Variants in FMN1 observed in about 807,000 individuals in gnomAD.
FMN1 encodes the protein formin-1.
FMN1 carries 110 observed loss-of-function variants against 132.4 expected under a neutral mutation model. The observed-to-expected ratio is 0.83, with a 90% CI of 0.71 to 0.97. The LOEUF is 0.97. Ranked by LOEUF, FMN1 falls within the 50% of genes least tolerant of loss-of-function variation. FMN1 has a pLI of 0.00. For missense variants in FMN1, 1,792 were observed against 1,705.3 expected (o/e 1.05, Z -0.90); for synonymous variants, 722 against 651.7 (o/e 1.11, Z -1.64).
chr15:32,884,046 G>A (rs1311469109), intron 16 of FMN1, among the ~76,000 whole-genome samples: 1 of 151,958 alleles, frequency 6.6e-6, no homozygotes, highest in Admixed American at 6.6e-5. Flanking sequence ...GCATGTGTGT[G>A]TTTGTGTATG....
chr15:33,050,237 G>A (rs2036906460), intron 6 of FMN1, among the ~76,000 whole-genome samples: 1 of 152,140 alleles, frequency 6.6e-6, no homozygotes, highest in Non-Finnish European at 1.5e-5. Flanking sequence ...TGTAAGTCAA[G>A]AAGCATCTGT....
intron 10 of FMN1, among the ~76,000 whole-genome samples, chr15:32,919,331 A>G (rs967161700): frequency 1.3e-5 from 2 of 152,222 alleles, no homozygotes; most frequent in African/African-American, 4.8e-5. Context: ...CAAACTCTTC[A>G]TCAGTTATGG....
chr15:32,908,518 C>G lies in FMN1; in HGVS notation c.3349G>C (p.Glu1117Gln). The G allele has an allele frequency of 6.2e-7, 1 of 1,602,420 alleles. No individual in the cohort carries two copies. The highest frequency in any genetic ancestry group is 1.4e-5 in the African/African-American group (1 of 72,854). ...RKYYETSKEEELKLLDKPEQF... is the reference protein window; with the variant it reads ...RKYYETSKEEQLKLLDKPEQF... ...TCAGGTTTATCCAGCAGCTTCAGTT[C>G]TTCTTCTTTGGATGTCTCGTAATAC... Residue 1117 changes from glutamate (E) to glutamine (Q), a missense_variant, in exon 12 of 21, where the codon GAA becomes CAA. Transcript: ENST00000616417.
chr15:32,849,985 A>G (rs908697474), intron 17 of FMN1, among the ~76,000 whole-genome samples: 3 of 152,134 alleles, frequency 2.0e-5, no homozygotes, highest in African/African-American at 7.2e-5. Flanking sequence ...TCCAAGGATT[A>G]CTGTTCTGTT....
At chr15:33,157,594 T>C (rs933809059) in intron 3 of FMN1, among the ~76,000 whole-genome samples, 11 of 152,244 alleles carry the variant, frequency 7.2e-5, no homozygotes, top group African/African-American at 2.4e-4. Context: ...TGGTTTTCCA[T>C]CTAATTTGAA....
At chr15:32,814,445 C>T (rs554812294) in intron 17 of FMN1, among the ~76,000 whole-genome samples, 1 of 152,308 alleles carries the variant, frequency 6.6e-6, no homozygotes, top group South Asian at 2.1e-4. Context: ...TTATACAATA[C>T]TTTAGAAGTA....
At chr15:32,887,836 CTTA>C (rs568933753) in intron 16 of FMN1, among the ~76,000 whole-genome samples, 34 of 152,158 alleles carry the variant, frequency 2.2e-4, no homozygotes, top group African/African-American at 7.0e-4. Flanking sequence ...GTAGTTCCAG[CTTA>C]TTAAGATTGT....
At chr15:33,098,162 G>A (rs997049580) in intron 4 of FMN1, among the ~76,000 whole-genome samples, 2 of 152,178 alleles carry the variant, frequency 1.3e-5, no homozygotes, top group Non-Finnish European at 2.9e-5. Context: ...ATAGGTCAAA[G>A]AAGAATCACA....
intron 6 of FMN1, among the ~76,000 whole-genome samples, chr15:33,009,917 T>G (rs1384797977): frequency 1.4e-5 from 2 of 146,792 alleles, no homozygotes; most frequent in African/African-American, 5.2e-5. Flanking sequence ...AGATGGAGTT[T>G]CACTCGTTTC....
At chr15:33,131,808 G>C (rs911035914) in intron 4 of FMN1, among the ~76,000 whole-genome samples, 1 of 152,192 alleles carries the variant, frequency 6.6e-6, no homozygotes, top group African/African-American at 2.4e-5. Flanking sequence ...GGGCAATGCA[G>C]CCTCAAGTGA....
At chr15:32,899,799 A>C in intron 14 of FMN1, 180 bp downstream of exon 14, 1 of 669,938 alleles carries the variant, frequency 1.5e-6, no homozygotes, top group South Asian at 1.9e-5. Flanking sequence ...AAAAAAAACC[A>C]AACAAAACTC....
intron 7 of FMN1, among the ~76,000 whole-genome samples, chr15:32,980,118 C>G (rs911604888): frequency 6.6e-6 from 1 of 152,132 alleles, no homozygotes; most frequent in Non-Finnish European, 1.5e-5. Flanking sequence ...GATGCCTCCT[C>G]TAAAAGAAGC....
intron 4 of FMN1, among the ~76,000 whole-genome samples, chr15:33,096,604 T>C (rs1439234206): frequency 6.9e-6 from 1 of 144,978 alleles, no homozygotes; most frequent in Non-Finnish European, 1.5e-5. Flanking sequence ...ACAAATCTAC[T>C]TTTTTTTTTT....
intron 6 of FMN1, among the ~76,000 whole-genome samples, chr15:33,017,138 T>TA (rs112219032): frequency 0.21 from 31,376 of 146,936 alleles, 3,758 homozygotes; most frequent in East Asian, 0.58. Flanking sequence ...AAGCATAATT[T>TA]AAAAAAAAAA....
Position 33,067,883 on chromosome 15 carries a change from A to C in FMN1, c.2044-2809T>G, listed in dbSNP as rs377232742. On this transcript the variant is annotated intron_variant, in intron 5 of 20. Transcript: ENST00000616417. ...ATCCAGAGAATTATCAACGTTCTCC[A>C]TGTCTCAGTAATGCCCTTGGTGGAA... 1.9e-6 allele frequency: 3 copies of C among 1,605,766 alleles called. No individual in the cohort carries two copies. The African/African-American group carries it at 4.0e-5, about 22-fold the overall frequency.
intron 9 of FMN1, among the ~76,000 whole-genome samples, chr15:32,947,507 T>G (rs924565210): frequency 1.3e-5 from 2 of 151,984 alleles, no homozygotes; most frequent in Non-Finnish European, 2.9e-5. Flanking sequence ...TTTTTGAACA[T>G]TTGTTCTTGC....
At chr15:32,823,818 G>C (rs2058296928) in intron 17 of FMN1, among the ~76,000 whole-genome samples, 1 of 152,180 alleles carries the variant, frequency 6.6e-6, no homozygotes, top group Admixed American at 6.5e-5. Context: ...CACACCCCTG[G>C]TCCAGAATGC....
At chr15:32,889,260 A>G (rs2141495779) in intron 15 of FMN1, among the ~76,000 whole-genome samples, 1 of 152,202 alleles carries the variant, frequency 6.6e-6, no homozygotes, top group East Asian at 1.9e-4. Flanking sequence ...TTGAAGGACA[A>G]AAGCTTCAGG....
chr15:32,784,522 G>A (rs1380016084), intron 19 of FMN1, among the ~76,000 whole-genome samples: 1 of 152,092 alleles, frequency 6.6e-6, no homozygotes, highest in African/African-American at 2.4e-5. Context: ...GAATATCTTA[G>A]AGGTAGACAA....
Sources: gnomAD v4.1 joint callset for allele counts (sites outside exome capture counted in the v4.1 genomes callset) on GRCh38, gnomAD v4.1.1 for gene constraint, MANE v1.5 for transcripts, NCBI Gene and HGNC (gene_info 2026-07-23, HGNC 2026-07-21) for gene names.